ATP10B: variants seen among roughly 807,000 people sequenced by gnomAD.
ATP10B encodes the protein ATPase phospholipid transporting 10B (putative).
ATP10B carries 122 observed loss-of-function variants against 141.2 expected under a neutral mutation model. That is an observed-to-expected ratio of 0.86 (90% confidence interval 0.75 to 1.00). The LOEUF is 1.00. ATP10B is among the 50% of genes least tolerant of loss of function. ATP10B has a pLI of 0.00. For synonymous variants in ATP10B, 685 were observed against 692.0 expected (o/e 0.99, Z 0.16); for missense variants, 1,876 against 1,825.3 (o/e 1.03, Z -0.51).
intron 17 of ATP10B, among the ~76,000 whole-genome samples, chr5:160,613,159 C>T (rs1011032743): frequency 2.0e-5 from 3 of 152,094 alleles, no homozygotes; most frequent in Admixed American, 6.5e-5. Flanking sequence ...GGATACCATG[C>T]GAATATACAC....
chr5:160,741,978 T>C (rs1391076499), intron 2 of ATP10B, among the ~76,000 whole-genome samples: 1 of 152,178 alleles, frequency 6.6e-6, no homozygotes, highest in African/African-American at 2.4e-5. Flanking sequence ...AGAAACCCGA[T>C]GAGGAAGAAA....
intron 7 of ATP10B, among the ~76,000 whole-genome samples, chr5:160,662,101 A>C (rs1455452215): frequency 1.3e-5 from 2 of 152,202 alleles, no homozygotes; most frequent in African/African-American, 4.8e-5. Flanking sequence ...ATGTGAAGGA[A>C]CTTTTCAAGG....
chr5:160,648,277 T>C (rs1760441434), intron 8 of ATP10B, among the ~76,000 whole-genome samples: 1 of 152,214 alleles, frequency 6.6e-6, no homozygotes, highest in Non-Finnish European at 1.5e-5. Flanking sequence ...GCTTTGAACA[T>C]GGCCCAACAC....
intron 18 of ATP10B, among the ~76,000 whole-genome samples, chr5:160,608,983 G>A (rs1239556531): frequency 6.6e-6 from 1 of 152,170 alleles, no homozygotes; most frequent in African/African-American, 2.4e-5. Flanking sequence ...TGCCTTTGGT[G>A]TTTTAGTCAT....
intron 1 of ATP10B, among the ~76,000 whole-genome samples, chr5:160,839,918 A>C (rs1017479453): frequency 6.6e-6 from 1 of 152,128 alleles, no homozygotes; most frequent in African/African-American, 2.4e-5. Flanking sequence ...ACATTATAGA[A>C]TGAAGCTATA....
At chr5:160,742,964 AG>A (rs1465140954) in intron 2 of ATP10B, among the ~76,000 whole-genome samples, 1 of 152,214 alleles carries the variant, frequency 6.6e-6, no homozygotes. Context: ...CAGAAATAGG[AG>A]GAAAGGGAAT....
chr5:160,685,548 T>C (rs1763699718), intron 6 of ATP10B, among the ~76,000 whole-genome samples: 1 of 152,194 alleles, frequency 6.6e-6, no homozygotes, highest in Admixed American at 6.5e-5. Context: ...GCAAGAATTT[T>C]CAACCCAAGC....
At chr5:160,745,690 T>C (rs1158749218) in intron 2 of ATP10B, among the ~76,000 whole-genome samples, 1 of 152,230 alleles carries the variant, frequency 6.6e-6, no homozygotes, top group Non-Finnish European at 1.5e-5. Flanking sequence ...GTTCAGATGC[T>C]GGGCTTTGAC....
At chr5:160,814,868 T>C (rs1175377351) in intron 1 of ATP10B, among the ~76,000 whole-genome samples, 2 of 152,196 alleles carry the variant, frequency 1.3e-5, no homozygotes, top group Non-Finnish European at 2.9e-5. Context: ...ACCCAGAATT[T>C]CATATCCAGC....
At chr5:160,785,513 G>T (rs13165640) in intron 2 of ATP10B, 46 bp downstream of exon 2, 116,946 of 468,122 alleles carry the variant, frequency 0.25, 15,130 homozygotes, top group East Asian at 0.32. Context: ...TGATGCTGAG[G>T]TTTGGGCTTC....
chr5:160,685,763 G>T (rs1254924963), intron 6 of ATP10B, among the ~76,000 whole-genome samples: 1 of 152,040 alleles, frequency 6.6e-6, no homozygotes, highest in Non-Finnish European at 1.5e-5. Context: ...AGTTTTCTCA[G>T]CCTCAGCACT....
At chr5:160,588,120 T>C (rs1756034147) in intron 24 of ATP10B, among the ~76,000 whole-genome samples, 5 of 152,186 alleles carry the variant, frequency 3.3e-5, no homozygotes, top group Non-Finnish European at 7.4e-5. Flanking sequence ...AGCACTAGGA[T>C]TACAGGTGTG....
At chr5:160,647,337 G>T (rs1341657027) in intron 8 of ATP10B, among the ~76,000 whole-genome samples, 4 of 152,140 alleles carry the variant, frequency 2.6e-5, no homozygotes, top group Non-Finnish European at 5.9e-5. Flanking sequence ...GTACAGCAAG[G>T]ATGTAGGAGC....
At chr5:160,628,836 T>C (rs1381197367) in intron 13 of ATP10B, among the ~76,000 whole-genome samples, 1 of 152,124 alleles carries the variant, frequency 6.6e-6, no homozygotes, top group African/African-American at 2.4e-5. Flanking sequence ...GGCTTGGGAC[T>C]CAACTCACCA....
At chr5:160,766,367 C>T (rs940353099) in intron 2 of ATP10B, among the ~76,000 whole-genome samples, 5 of 107,820 alleles carry the variant, frequency 4.6e-5, no homozygotes, top group African/African-American at 1.6e-4. Context: ...CACACACACA[C>T]ACACACACAC....
chr5:160,763,954 T>C (rs966894389), intron 2 of ATP10B, among the ~76,000 whole-genome samples: 2 of 152,132 alleles, frequency 1.3e-5, no homozygotes, highest in African/African-American at 2.4e-5. Context: ...CTGGAAAGCC[T>C]AGAGGAGATG....
chr5:160,855,823 A>T (rs149509639), upstream of ATP10B, among the ~76,000 whole-genome samples: 895 of 151,886 alleles, frequency 5.9e-3, 12 homozygotes, highest in African/African-American at 0.021. Context: ...TTTCAATTGT[A>T]CTAGAACCAC....
At chr5:160,927,667 G>C in the ATP10B span, among the ~76,000 whole-genome samples, 131 of 152,306 alleles carry the variant, frequency 8.6e-4, 1 homozygote, top group East Asian at 0.02. Flanking sequence ...GCAAGCATTA[G>C]GCAAGCCCCT....
At chr5:160,886,562 T>G in the ATP10B span, among the ~76,000 whole-genome samples, 1 of 152,174 alleles carries the variant, frequency 6.6e-6, no homozygotes, top group East Asian at 1.9e-4. Flanking sequence ...TCATTTGGGT[T>G]TAGCTTTAAA....
Sources: allele counts gnomAD v4.1 joint callset (sites outside exome capture counted in the v4.1 genomes callset), GRCh38; gene constraint gnomAD v4.1.1; transcripts MANE v1.5; gene names NCBI Gene and HGNC (gene_info 2026-07-23, HGNC 2026-07-21).